Variants in CBARP observed in about 807,000 individuals in gnomAD.
CBARP encodes CACN subunit beta associated regulatory protein.
A neutral mutation model predicts 36.3 loss-of-function variants in CBARP; 24 were observed. The observed-to-expected ratio is 0.66, with a 90% CI of 0.48 to 0.93. The LOEUF is 0.93. Among genes scored for constraint, CBARP ranks in the 40% least tolerant of loss-of-function variants. The pLI is 0.00. For synonymous variants in CBARP, 586 were observed against 453.2 expected, an observed-to-expected ratio of 1.29 and a Z score of -3.72; for missense variants, 1,146 against 980.4, an observed-to-expected ratio of 1.17 and a Z score of -2.26.
intron 9 of CBARP, chr19:1,230,875 C>A (rs202174072): frequency 1.3e-5 from 20 of 1,505,042 alleles, no homozygotes; most frequent in Middle Eastern, 1.8e-4. Context: ...CCCCTCCTCC[C>A]CACCCACCGC....
At chr19:1,234,131 A>T in intron 7 of CBARP, 60 bp downstream of exon 7, 2 of 1,429,560 alleles carry the variant, frequency 1.4e-6, no homozygotes, top group Admixed American at 3.1e-5. Flanking sequence ...GACTGGGGAC[A>T]GGGAGGGGAA....
At position 1,234,692 on chromosome 19, in the gene CBARP, G is replaced by A. The variant is rs748940072; in HGVS notation, c.506C>T (p.Thr169Met). 106 of 1,612,916 alleles carry A rather than the reference G, an allele frequency of 6.6e-5. No homozygotes were observed. The highest frequency in any genetic ancestry group is 5.3e-5 in the African/African-American group (4 of 74,910). The change falls in exon 6 of 10, where the codon ACG becomes ATG. Residue 169 changes from threonine to methionine, a missense_variant. Coordinates refer to ENST00000650044, the MANE Select transcript of CBARP (RefSeq NM_001393918.1). ...DFHHLKNARL[T>M]HLHLPPLKIV... Reference sequence around the variant, plus strand: ...CTTGAGGGGCGGCAGGTGCAGGTGCGTGAGCCGGGCATTCTTCAGGTGGTG... The same window carrying A: ...CTTGAGGGGCGGCAGGTGCAGGTGCATGAGCCGGGCATTCTTCAGGTGGTG...
At chr19:1,230,914 C>T (rs756711336) in intron 9 of CBARP, 187 bp downstream of exon 9, 11 of 1,574,504 alleles carry the variant, frequency 7.0e-6, no homozygotes, top group African/African-American at 1.4e-5. Flanking sequence ...CTCCCTGCTT[C>T]CCTCCTCTGG....
chr19:1,235,340 C>T (rs1406872270), intron 4 of CBARP, 161 bp downstream of exon 4: 19 of 1,060,978 alleles, frequency 1.8e-5, no homozygotes, highest in South Asian at 5.2e-5. Flanking sequence ...GGCCCACCTA[C>T]GCCTGGGCGT....
chr19:1,229,458 A>C lies in CBARP; in HGVS notation c.1839T>G (p.Arg613=), dbSNP rs2080860947. 3 of 978,402 alleles carry C rather than the reference A, an allele frequency of 3.1e-6. No homozygotes were observed. Among genetic ancestry groups the C allele is most frequent in the Non-Finnish European group, 3.6e-6 (3 of 827,494 alleles). The allele number at this position is 978,402 out of a possible 1,614,324, so 60.6% of individuals were successfully genotyped here. ...CGCTGTCGCCGCGCCGCAAGGGCGC[A>C]CGCGCGGGTCGGGCCGCGCCGGCAG... ...APPAGAARPA[R]APLRRGDSVD... The change falls in exon 10 of 10, where the codon CGT becomes CGG. Residue 613 remains arginine (R), a synonymous_variant. Coordinates refer to ENST00000650044, the MANE Select transcript of CBARP (RefSeq NM_001393918.1). This position sits in a 1 kb window ranked among gnomAD's most constrained non-coding sequence, Gnocchi z 5.1.
chr19:1,231,597 C>T (rs1028876976), intron 8 of CBARP, among the ~76,000 whole-genome samples: 1 of 117,026 alleles, frequency 8.5e-6, no homozygotes, highest in African/African-American at 3.3e-5. Context: ...CCCCCCATGC[C>T]TGTGCCCCCC....
At chr19:1,237,508 C>T (rs975479305) in intron 1 of CBARP, among the ~76,000 whole-genome samples, 1 of 152,006 alleles carries the variant, frequency 6.6e-6, no homozygotes, top group Non-Finnish European at 1.5e-5. Context: ...GGCAGGGACC[C>T]GACGCCAGGG....
rs1178424716 is a variant in CBARP at position 1,229,520 on chromosome 19, G to A, written c.1777C>T (p.Arg593Cys). The change falls in exon 10 of 10, where the codon CGC becomes TGC. Residue 593 changes from arginine (R) to cysteine (C), a missense_variant. Physicochemically the swap from Arg to Cys is radical, Grantham distance 180 (BLOSUM62 -3). Coordinates refer to ENST00000650044, the MANE Select transcript of CBARP (RefSeq NM_001393918.1). The surrounding 1 kb of genome is among the most constrained non-coding windows in gnomAD (Gnocchi z 5.1). ...GTTCCGGCCAGGGCCGGGGCCGCGC[G>A]GGCGCCGGGGTCGCTGTGCTGCCGG... ...RGRQHSDPGARAAPALAGTPA... is the reference protein window; with the variant it reads ...RGRQHSDPGACAAPALAGTPA... 6.1e-6 allele frequency: 6 copies of A among 979,426 alleles called. No homozygotes were observed. Among genetic ancestry groups the A allele is most frequent in the Non-Finnish European group, 7.2e-6 (6 of 827,898 alleles). 60.7% of individuals were successfully genotyped at this position (979,426 alleles called of 1,614,324 possible).
In CBARP at chr19:1,229,141, G is replaced by C. The variant is rs753818125; in HGVS notation, c.*38C>G. On this transcript the variant is annotated 3_prime_UTR_variant, in exon 10 of 10. Transcript: ENST00000650044. This position sits in a 1 kb window ranked among gnomAD's most constrained non-coding sequence, Gnocchi z 5.1. ...CGCCGCCGAGGCCCCGTGCGGCGCC[G>C]GAGAAGCTGCCAGAGAGATGGGCCC... is the stretch of plus-strand genomic sequence containing the variant. The C allele has an allele frequency of 1.1e-6, 1 of 926,380 alleles. No individual in the cohort carries two copies. Among genetic ancestry groups the C allele is most frequent in the Non-Finnish European group, 1.3e-6 (1 of 758,552 alleles). The allele number at this position is 926,380 out of a possible 1,614,324, so 57.4% of individuals were successfully genotyped here. A position where few individuals can be genotyped will look rare whatever the true frequency, so the allele number is the denominator to read the frequency against.
chr19:1,235,657 T>A, intron 3 of CBARP, 92 bp from the exon 4 acceptor site: 7 of 1,586,286 alleles, frequency 4.4e-6, no homozygotes, highest in Non-Finnish European at 6.0e-6. Context: ...GCCCTGCGCA[T>A]CACCCAGTCT....
At chr19:1,230,989 C>A (rs368744096) in intron 9 of CBARP, 112 bp downstream of exon 9, 2 of 1,550,470 alleles carry the variant, frequency 1.3e-6, no homozygotes, top group African/African-American at 1.4e-5. Flanking sequence ...TGGAGGCAGG[C>A]GAGCGCGTGT....
chr19:1,230,333 T>C (rs2080873607), intron 9 of CBARP, 191 bp from the exon 10 acceptor site: 3 of 986,514 alleles, frequency 3.0e-6, no homozygotes, highest in Non-Finnish European at 3.6e-6. Context: ...CCCTGAGCTG[T>C]GGCGCCTGCT....
At chr19:1,235,407 A>G in intron 4 of CBARP, 94 bp downstream of exon 4, 1 of 1,332,520 alleles carries the variant, frequency 7.5e-7, no homozygotes, top group Non-Finnish European at 1.0e-6. Flanking sequence ...GGGGAGACAG[A>G]CAGACACAGA....
At chr19:1,230,385 G>GC (rs2080874449) in intron 9 of CBARP, 2 of 987,424 alleles carry the variant, frequency 2.0e-6, no homozygotes, top group East Asian at 1.1e-4. Context: ...AGACGGCGGG[G>GC]CCCCCTCCCT....
chr19:1,230,733 TTC>T, intron 9 of CBARP: 1 of 1,296,426 alleles, frequency 7.7e-7, no homozygotes, highest in Non-Finnish European at 9.8e-7. Flanking sequence ...TCACAGCAGC[TTC>T]TGAGAGGAGT....
At chr19:1,235,626 C>T (rs1457967762) in intron 3 of CBARP, 61 bp from the exon 4 acceptor site, 8 of 1,584,600 alleles carry the variant, frequency 5.0e-6, no homozygotes, top group East Asian at 4.6e-5. Context: ...CAGTGGGTCT[C>T]GGCTCTTTGC....
chr19:1,230,859 G>C (rs749222203), intron 9 of CBARP: 2 of 1,494,066 alleles, frequency 1.3e-6, no homozygotes, highest in Non-Finnish European at 1.8e-6. Flanking sequence ...CGCCATCCTC[G>C]GGGGGCCCCT....
At position 1,231,224 on chromosome 19, in the gene CBARP, G is replaced by A. The variant is rs759376967; in HGVS notation, c.1031C>T (p.Thr344Met). 9.4e-6 allele frequency: 15 copies of A among 1,602,944 alleles called. No homozygotes were observed. The highest frequency in any genetic ancestry group is 1.2e-5 in the Non-Finnish European group (14 of 1,179,548). Residue 344 changes from threonine to methionine, a missense_variant, in exon 9 of 10, where the codon ACG (threonine) becomes ATG (methionine). Coordinates refer to ENST00000650044, the MANE Select transcript of CBARP (RefSeq NM_001393918.1). ...FQRQRAASESTEQEEGDAPQE... is the reference protein window; with the variant it reads ...FQRQRAASESMEQEEGDAPQE... ...GGGGGCATCCCCCTCCTCCTGCTCC[G>A]TGCTCTCACTGGCTGCCCGCTGCCG...
rs2080865438 is a variant in CBARP at position 1,229,788 on chromosome 19, A to G, written c.1509T>C (p.Ser503=). Residue 503 remains serine (S), a synonymous_variant, in exon 10 of 10, where the codon AGT becomes AGC. Coordinates refer to ENST00000650044, the MANE Select transcript of CBARP (RefSeq NM_001393918.1). The surrounding 1 kb of genome is among the most constrained non-coding windows in gnomAD (Gnocchi z 5.1). ...GEARRLLQMD[S]GYASIEGRGA... ...CGCGGCCCTCGATGCTGGCGTAGCCACTGTCCATCTGCAGCAGCCGGCGCG... is the reference window on the plus strand; with the variant it reads ...CGCGGCCCTCGATGCTGGCGTAGCCGCTGTCCATCTGCAGCAGCCGGCGCG... The G allele has an allele frequency of 3.0e-6, 3 of 1,016,428 alleles. No homozygotes were observed. Among genetic ancestry groups the G allele is most frequent in the Non-Finnish European group, 3.6e-6 (3 of 843,976 alleles). 63.0% of individuals were successfully genotyped at this position (1,016,428 alleles called of 1,614,324 possible).
Sources: gnomAD v4.1 joint callset for allele counts (sites outside exome capture counted in the v4.1 genomes callset) on GRCh38, gnomAD v4.1.1 for gene constraint, Gnocchi (gnomAD v3.1) non-coding constraint, MANE v1.5 for transcripts, NCBI Gene and HGNC (gene_info 2026-07-23, HGNC 2026-07-21) for gene names.